LRP1B: variants seen among roughly 807,000 people sequenced by gnomAD.
The protein encoded by LRP1B is low-density lipoprotein receptor-related protein 1B.
Under a neutral mutation model 556.6 loss-of-function variants are expected in LRP1B, and 217 were observed. The ratio of observed to expected loss-of-function variants is 0.39; its 90% CI spans 0.35 to 0.44. The LOEUF is 0.44. Among genes scored for constraint, LRP1B ranks in the 20% least tolerant of loss-of-function variants. The pLI is 1.00. For synonymous variants in LRP1B, 2,047 were observed against 1,865.8 expected, an observed-to-expected ratio of 1.10 and a Z score of -2.50; for missense variants, 5,053 against 5,620.8, an observed-to-expected ratio of 0.90 and a Z score of 3.23.
intron 41 of LRP1B, among the ~76,000 whole-genome samples, chr2:140,639,054 G>A (rs1277236624): frequency 1.3e-5 from 2 of 151,988 alleles, no homozygotes; most frequent in East Asian, 1.9e-4. Context: ...CCAGAAACAT[G>A]TCATAAACTC....
intron 3 of LRP1B, among the ~76,000 whole-genome samples, chr2:141,438,289 G>T (rs985549231): frequency 1.3e-5 from 2 of 152,002 alleles, no homozygotes; most frequent in Admixed American, 6.6e-5. Flanking sequence ...GTATGTGTGT[G>T]CATGTGTGTA....
chr2:142,120,115 T>TTTTTG (rs1707406572), intron 1 of LRP1B, among the ~76,000 whole-genome samples: 1 of 151,800 alleles, frequency 6.6e-6, no homozygotes, highest in Admixed American at 6.6e-5. Flanking sequence ...CTACAGGTTT[T>TTTTTG]TTTGTTTGTT....
At chr2:140,431,054 T>C (rs926914132) in intron 66 of LRP1B, among the ~76,000 whole-genome samples, 2 of 152,192 alleles carry the variant, frequency 1.3e-5, no homozygotes, top group Non-Finnish European at 2.9e-5. Context: ...TTCTGTCAGA[T>C]ATAATTCCTC....
At position 141,085,303 on chromosome 2, in the gene LRP1B, A is replaced by G. The variant is rs542540584; in HGVS notation, c.1014-23030T>C. Among the ~76,000 whole-genome samples, 245 of 152,332 alleles carry G rather than the reference A, an allele frequency of 1.6e-3. 1 individual carries two copies. The highest frequency in any genetic ancestry group is 2.5e-3 in the South Asian group (12 of 4,832). On this transcript the variant is annotated intron_variant, in intron 7 of 90. Transcript: ENST00000389484. ...AGTTTTATAATGTAACCTCTTATAG[A>G]CTGAACTTTGTCTCTCCAAAATTTG...
chr2:142,056,148 C>T (rs1170248146), intron 1 of LRP1B, among the ~76,000 whole-genome samples: 2 of 151,874 alleles, frequency 1.3e-5, no homozygotes, highest in African/African-American at 2.4e-5. Flanking sequence ...GAGACTCTGT[C>T]TCAGAAAAAA....
intron 2 of LRP1B, among the ~76,000 whole-genome samples, chr2:141,588,535 T>C (rs1687219192): frequency 1.3e-5 from 2 of 152,204 alleles, no homozygotes; most frequent in South Asian, 4.1e-4. Context: ...GGGATTGTTT[T>C]AGCCCCTCTC....
At chr2:140,597,594 A>G (rs1220779310) in intron 43 of LRP1B, among the ~76,000 whole-genome samples, 1 of 152,210 alleles carries the variant, frequency 6.6e-6, no homozygotes, top group Non-Finnish European at 1.5e-5. Flanking sequence ...TCTAAAGTTT[A>G]TAAAGGCTAA....
chr2:140,346,496 T>C (rs6734751), intron 77 of LRP1B, among the ~76,000 whole-genome samples: 2,663 of 152,056 alleles, frequency 0.018, 86 homozygotes, highest in African/African-American at 0.062. Flanking sequence ...GGTAATGATG[T>C]AATGATCTGA....
chr2:141,050,399 C>T (rs1699001767), intron 10 of LRP1B, among the ~76,000 whole-genome samples: 1 of 151,830 alleles, frequency 6.6e-6, no homozygotes, highest in African/African-American at 2.4e-5. Flanking sequence ...ACATAGATAG[C>T]ATACATGCAC....
intron 1 of LRP1B, among the ~76,000 whole-genome samples, chr2:141,929,584 G>C (rs545836005): frequency 6.6e-6 from 1 of 151,778 alleles, no homozygotes; most frequent in Non-Finnish European, 1.5e-5. Flanking sequence ...TGATTGCTTC[G>C]TTCATCACGG....
chr2:140,855,565 G>A (rs1377313831), intron 27 of LRP1B, among the ~76,000 whole-genome samples: 2 of 147,398 alleles, frequency 1.4e-5, no homozygotes, highest in African/African-American at 5.0e-5. Flanking sequence ...TACTATTAAT[G>A]TTTCCCCCAA....
chr2:141,511,245 C>T (rs1383304473), intron 2 of LRP1B, among the ~76,000 whole-genome samples: 8 of 151,962 alleles, frequency 5.3e-5, no homozygotes, highest in Non-Finnish European at 1.2e-4. Context: ...TACTTTGTGG[C>T]TGACTAATTA....
intron 1 of LRP1B, among the ~76,000 whole-genome samples, chr2:141,889,657 AC>A (rs1699225365): frequency 6.6e-6 from 1 of 152,154 alleles, no homozygotes; most frequent in Admixed American, 6.6e-5. Context: ...TGACTGTCAC[AC>A]TTTGCATAAT....
intron 21 of LRP1B, among the ~76,000 whole-genome samples, chr2:140,911,354 T>C (rs575095132): frequency 2.6e-5 from 4 of 151,896 alleles, no homozygotes; most frequent in African/African-American, 4.8e-5. Flanking sequence ...TGGAAACCCA[T>C]TGTAGGAGGA....
intron 2 of LRP1B, among the ~76,000 whole-genome samples, chr2:141,650,763 A>G (rs771092687): frequency 6.6e-5 from 10 of 151,988 alleles, no homozygotes; most frequent in Non-Finnish European, 1.3e-4. Flanking sequence ...AAAAAAGCCC[A>G]TTTGAAAACC....
At chr2:141,002,966 G>A (rs1240450200) in intron 15 of LRP1B, among the ~76,000 whole-genome samples, 2 of 151,896 alleles carry the variant, frequency 1.3e-5, no homozygotes, top group African/African-American at 4.8e-5. Context: ...GAGAAAAGTA[G>A]TAGAAAAGAA....
chr2:141,784,515 T>A (rs1178448600), intron 2 of LRP1B, among the ~76,000 whole-genome samples: 1 of 151,948 alleles, frequency 6.6e-6, no homozygotes, highest in African/African-American at 2.4e-5. Flanking sequence ...CATTTCCATA[T>A]AAGAAGTGGG....
At chr2:140,870,416 A>T (rs1371530373) in intron 25 of LRP1B, among the ~76,000 whole-genome samples, 2 of 152,106 alleles carry the variant, frequency 1.3e-5, no homozygotes, top group African/African-American at 4.8e-5. Context: ...TCCCTCTCCC[A>T]TATGAAGAGG....
At chr2:141,177,071 T>A (rs1680768124) in intron 7 of LRP1B, among the ~76,000 whole-genome samples, 1 of 152,058 alleles carries the variant, frequency 6.6e-6, no homozygotes, top group Non-Finnish European at 1.5e-5. Flanking sequence ...ACTACTGAAA[T>A]GTAGCAGAAC....
Sources: allele counts gnomAD v4.1 joint callset (sites outside exome capture counted in the v4.1 genomes callset), GRCh38; gene constraint gnomAD v4.1.1; transcripts MANE v1.5; gene names NCBI Gene and HGNC (gene_info 2026-07-23, HGNC 2026-07-21).